Variants in SYNE1 observed in about 807,000 individuals in gnomAD.
The protein encoded by SYNE1 is nesprin-1.
A neutral mutation model predicts 1,111.0 loss-of-function variants in SYNE1; 616 were observed. The ratio of observed to expected loss-of-function variants is 0.55; its 90% CI spans 0.52 to 0.59. SYNE1 has a LOEUF of 0.59. Ranked by LOEUF, SYNE1 falls within the 20% of genes least tolerant of loss-of-function variation. The pLI is 0.00. For synonymous variants in SYNE1, 3,855 were observed against 3,825.8 expected, an observed-to-expected ratio of 1.01 and a Z score of -0.28; for missense variants, 10,006 against 10,417.0, an observed-to-expected ratio of 0.96 and a Z score of 1.72.
chr6:152,546,470 T>G (rs1274029790), intron 3 of SYNE1: 1 of 152,190 alleles, frequency 6.6e-6, no homozygotes, highest in Non-Finnish European at 1.5e-5. Context: ...GAAGTGATTT[T>G]AAGTGACATC....
chr6:152,329,879 A>G lies in SYNE1; in HGVS notation c.14806T>C (p.Ser4936Pro). The change falls in exon 78 of 146, where the codon TCC becomes CCC. Residue 4936 changes from serine to proline, a missense_variant. Ser to Pro is a moderately conservative substitution (Grantham distance 74, BLOSUM62 -1). Around this residue, in one of 7 missense-constraint regions of SYNE1, gnomAD observed 4,955 missense variants for 5,017.2 expected, o/e 0.99. Transcript: ENST00000367255. ...AGCGCATTCATGATTCTCAAGCTGG[A>G]CTGGACCTCTTCCTGATGAATTTGG... ...KIQIHQEEVQ[S>P]SLRIMNALSH... is the part of the protein sequence containing the mutation. 6.2e-7 allele frequency: 1 copy of G among 1,614,106 alleles called. No individual in the cohort carries two copies. Among genetic ancestry groups the G allele is most frequent in the Non-Finnish European group, 8.5e-7 (1 of 1,180,026 alleles).
chr6:152,423,337 C>T, intron 39 of SYNE1, among the ~76,000 whole-genome samples: 1 of 152,200 alleles, frequency 6.6e-6, no homozygotes, highest in Non-Finnish European at 1.5e-5. Flanking sequence ...TGTGTATATA[C>T]ATTAAATAAA....
rs1419128351 is a variant in SYNE1, at chr6:152,629,616, T to C, written c.-223-1062A>G. On this transcript the variant is annotated intron_variant, in intron 2 of 145. Transcript: ENST00000367255. ...TCGTTGAAATCTTGATATTGCAAAA[T>C]GTACTTTAAATAAGAATTTCCTAAC... 2.0e-5 allele frequency among the ~76,000 whole-genome samples: 3 copies of C among 148,724 alleles called. No individual in the cohort carries two copies. In the East Asian group the frequency reaches 6.0e-4, roughly 30 times the overall value.
At chr6:152,292,979 T>C (rs1010986804) in intron 95 of SYNE1, among the ~76,000 whole-genome samples, 5 of 152,260 alleles carry the variant, frequency 3.3e-5, no homozygotes, top group African/African-American at 1.2e-4. Flanking sequence ...TTTCTTAGCA[T>C]GCATTTTAAC....
chr6:152,127,938 A>G (rs958477144), intron 145 of SYNE1: 1 of 152,100 alleles, frequency 6.6e-6, no homozygotes, highest in Non-Finnish European at 1.5e-5. Context: ...GCCACTTCTC[A>G]TTCCATCTTA....
chr6:152,618,885 A>G (rs763641203), intron 3 of SYNE1, among the ~76,000 whole-genome samples: 12 of 152,204 alleles, frequency 7.9e-5, no homozygotes, highest in Non-Finnish European at 1.6e-4. Flanking sequence ...GGAAGGCTGC[A>G]TATATTCTTA....
chr6:152,155,771 A>T, intron 132 of SYNE1, 139 bp downstream of exon 132: 1 of 988,102 alleles, frequency 1.0e-6, no homozygotes, highest in Non-Finnish European at 1.6e-6. Flanking sequence ...CTAAATGTAG[A>T]CAATAGTAAG....
chr6:152,464,262 C>G (rs569551546), intron 18 of SYNE1, among the ~76,000 whole-genome samples: 120 of 152,250 alleles, frequency 7.9e-4, no homozygotes, highest in African/African-American at 2.8e-3. Flanking sequence ...CAACACACAT[C>G]ACAGTGAAAA....
chr6:152,479,107 GA>G (rs1460092167), intron 14 of SYNE1, among the ~76,000 whole-genome samples: 3 of 152,150 alleles, frequency 2.0e-5, no homozygotes, highest in Non-Finnish European at 4.4e-5. Flanking sequence ...AGAGCTTGTG[GA>G]GGGGTCTCAT....
intron 70 of SYNE1, 29 bp downstream of exon 70, chr6:152,351,998 A>C (rs112652320): frequency 6.2e-7 from 1 of 1,607,716 alleles, no homozygotes; most frequent in African/African-American, 1.3e-5. Context: ...TGACCTCTGC[A>C]TGCATCTGTC....
chr6:152,363,295 C>A (rs776531233), intron 63 of SYNE1, among the ~76,000 whole-genome samples: 5 of 148,878 alleles, frequency 3.4e-5, no homozygotes, highest in Admixed American at 6.7e-5. Context: ...GAGATCAAGG[C>A]CATCCTGGCT....
chr6:152,509,253 T>C (rs1434829070), intron 8 of SYNE1, among the ~76,000 whole-genome samples: 1,774 of 141,948 alleles, frequency 0.012, 39 homozygotes, highest in African/African-American at 0.043. Flanking sequence ...TTTTTCTTTT[T>C]TTTTTTTTTT....
At chr6:152,276,878 CTTTT>C (rs539497198) in intron 98 of SYNE1, among the ~76,000 whole-genome samples, 1 of 102,162 alleles carries the variant, frequency 9.8e-6, no homozygotes, top group Admixed American at 1.1e-4. Flanking sequence ...ACTCTGCACT[CTTTT>C]TTTTTTTTTT....
At chr6:152,342,959 CG>C (rs2096561346) in intron 74 of SYNE1, among the ~76,000 whole-genome samples, 1 of 151,936 alleles carries the variant, frequency 6.6e-6, no homozygotes, top group African/African-American at 2.4e-5. Context: ...TTATAAATCA[CG>C]TTTATCTGTA....
chr6:152,402,735 G>C (rs1302620356), intron 46 of SYNE1: 1 of 150,130 alleles, frequency 6.7e-6, no homozygotes, highest in Non-Finnish European at 1.5e-5. Flanking sequence ...GCACACGTGT[G>C]TGTGTGTGTG....
In SYNE1 at chr6:152,605,006, A is replaced by G. The variant is rs3102092; in HGVS notation, c.67+23259T>C. On this transcript the variant is annotated intron_variant, in intron 3 of 145. Coordinates refer to ENST00000367255, the MANE Select transcript of SYNE1 (RefSeq NM_182961.4). ...AAAGAAAGAAAGAAAGAAAGAAAGA[A>G]AGAGAGAGAGAGAGAGAGAGAGAGA... Among the ~76,000 whole-genome samples the G allele has an allele frequency of 6.6e-3, 169 of 25,516 alleles. 1 individual carries two copies. The highest frequency in any genetic ancestry group is 0.023 in the Middle Eastern group (1 of 44). The allele number at this position is 25,516 out of a possible 152,430, so 16.7% of individuals were successfully genotyped here.
chr6:152,217,448 T>C (rs913598673), intron 121 of SYNE1, among the ~76,000 whole-genome samples: 7 of 151,416 alleles, frequency 4.6e-5, no homozygotes, highest in African/African-American at 1.5e-4. Flanking sequence ...GGACAAATTA[T>C]AATCGTATAT....
chr6:152,220,829 C>A lies in SYNE1; in HGVS notation c.21861+13G>T. 2.5e-6 allele frequency: 4 copies of A among 1,612,212 alleles called. No individual in the cohort carries two copies. Among genetic ancestry groups the A allele is most frequent in the Non-Finnish European group, 3.4e-6 (4 of 1,179,206 alleles). On this transcript the variant is annotated intron_variant, in intron 119 of 145. Transcript: ENST00000367255. ...AGGGCATGTGGGGAAAACAAGGTAG[C>A]TCCTGAACATACGTTGCAATCTTGA...
At chr6:152,192,290 T>C (rs950334800) in intron 127 of SYNE1, among the ~76,000 whole-genome samples, 1 of 113,118 alleles carries the variant, frequency 8.8e-6, no homozygotes, top group African/African-American at 3.5e-5. Context: ...TTAACTCCAG[T>C]GTTTTTTTGT....
Sources: allele counts gnomAD v4.1 joint callset (sites outside exome capture counted in the v4.1 genomes callset), GRCh38; gene constraint gnomAD v4.1.1; regional missense constraint gnomAD v4.1.1; transcripts MANE v1.5; gene names NCBI Gene and HGNC (gene_info 2026-07-23, HGNC 2026-07-21).